Variants in CREB5 observed in about 807,000 individuals in gnomAD.
CREB5 encodes the protein cyclic AMP-responsive element-binding protein 5.
CREB5 carries 19 observed loss-of-function variants against 57.1 expected under a neutral mutation model. The observed-to-expected ratio is 0.33, with a 90% CI of 0.23 to 0.49. The LOEUF (loss-of-function observed/expected upper bound fraction) is 0.49. Among genes scored for constraint, CREB5 ranks in the 20% least tolerant of loss-of-function variants. The pLI is 0.99. For synonymous variants in CREB5, 238 were observed against 238.3 expected, an observed-to-expected ratio of 1.00 and a Z score of 0.01; for missense variants, 579 against 671.6, an observed-to-expected ratio of 0.86 and a Z score of 1.52.
intron 1 of CREB5, among the ~76,000 whole-genome samples, chr7:28,368,579 GC>G (rs1225715785): frequency 2.0e-5 from 3 of 152,050 alleles, no homozygotes; most frequent in Non-Finnish European, 4.4e-5. Context: ...TTTACTCAGG[GC>G]CTTGTTCTTG....
chr7:28,680,768 CAAA>C (rs539406574), intron 5 of CREB5, among the ~76,000 whole-genome samples: 94 of 134,160 alleles, frequency 7.0e-4, no homozygotes, highest in African/African-American at 2.4e-3. Context: ...CAACCTATCT[CAAA>C]AAAAAAAAAA....
chr7:28,309,480 C>T (rs990116625), intron 1 of CREB5, among the ~76,000 whole-genome samples: 2 of 152,116 alleles, frequency 1.3e-5, no homozygotes, highest in Non-Finnish European at 2.9e-5. Flanking sequence ...ATTTCCTTTC[C>T]AGGGATAGAG....
intron 4 of CREB5, among the ~76,000 whole-genome samples, chr7:28,569,256 C>T (rs1299007660): frequency 6.6e-6 from 1 of 151,806 alleles, no homozygotes; most frequent in South Asian, 2.1e-4. Context: ...CCTCAAACTC[C>T]TGGGCTCAAG....
rs1554344458 is a variant in CREB5, at chr7:28,560,907, TGC to T, written c.292-9456_292-9455del. ...GCGTGCGTGTGTGTGCGTGCGCGCG[TGC>T]GTGTGCGTGTGTGCGCGTGCGTGTG... On this transcript the variant is annotated intron_variant, in intron 4 of 10. Coordinates refer to ENST00000357727, the MANE Select transcript of CREB5 (RefSeq NM_182898.4). Among the ~76,000 whole-genome samples the T allele has an allele frequency of 8.7e-4, 37 of 42,728 alleles. 1 individual carries two copies. The highest frequency in any genetic ancestry group is 3.7e-3 in the African/African-American group (27 of 7,302). 28.0% of individuals were successfully genotyped at this position (42,728 alleles called of 152,430 possible). A position where few individuals can be genotyped will look rare whatever the true frequency, so the allele number is the denominator to read the frequency against.
chr7:28,643,326 G>T (rs1240347409), intron 5 of CREB5, among the ~76,000 whole-genome samples: 1 of 152,096 alleles, frequency 6.6e-6, no homozygotes, highest in Non-Finnish European at 1.5e-5. Context: ...TTTGTCCAAG[G>T]TCACCGACAG....
chr7:28,338,490 T>A (rs1228475503), intron 1 of CREB5, among the ~76,000 whole-genome samples: 1 of 152,182 alleles, frequency 6.6e-6, no homozygotes, highest in Non-Finnish European at 1.5e-5. Flanking sequence ...TGCTGCCAGA[T>A]GTATTGAAGC....
At chr7:28,633,486 C>A (rs991655400) in intron 5 of CREB5, among the ~76,000 whole-genome samples, 1 of 152,138 alleles carries the variant, frequency 6.6e-6, no homozygotes, top group African/African-American at 2.4e-5. Flanking sequence ...CTGCCTATAT[C>A]TCATTCAGAG....
At chr7:28,308,822 A>C (rs889621357) in intron 1 of CREB5, among the ~76,000 whole-genome samples, 2 of 152,126 alleles carry the variant, frequency 1.3e-5, no homozygotes, top group African/African-American at 4.8e-5. Flanking sequence ...TTTGTCCCTG[A>C]TGGTTAATTT....
At chr7:28,704,662 G>T (rs1802019938) in intron 5 of CREB5, among the ~76,000 whole-genome samples, 1 of 152,008 alleles carries the variant, frequency 6.6e-6, no homozygotes, top group South Asian at 2.1e-4. Context: ...TTGCTAAGTT[G>T]CCCAGGCTTG....
chr7:28,764,818 T>C (rs1425565254), intron 7 of CREB5, among the ~76,000 whole-genome samples: 1 of 152,252 alleles, frequency 6.6e-6, no homozygotes, highest in African/African-American at 2.4e-5. Flanking sequence ...CCTGTTTACA[T>C]GGTTTAAAGA....
At chr7:28,710,916 G>A (rs1406539538) in intron 5 of CREB5, among the ~76,000 whole-genome samples, 3 of 152,168 alleles carry the variant, frequency 2.0e-5, no homozygotes, top group Non-Finnish European at 4.4e-5. Flanking sequence ...GAGAGCACTC[G>A]AGAAAGGGCT....
chr7:28,445,591 G>T (rs546778410), intron 1 of CREB5, among the ~76,000 whole-genome samples: 5 of 150,742 alleles, frequency 3.3e-5, no homozygotes, highest in Non-Finnish European at 7.4e-5. Flanking sequence ...TCGCTCTGTT[G>T]CCCAGGCTGG....
chr7:28,503,681 G>A lies in CREB5; in HGVS notation c.170-3935G>A, dbSNP rs141770827. ...ATGTGAGAGCCCAAGCCCCAAGCAC[G>A]TTGAGCGATGTTTTCTGTCTGCTCT... On this transcript the variant is annotated intron_variant, in intron 3 of 10. Coordinates refer to ENST00000357727, the MANE Select transcript of CREB5 (RefSeq NM_182898.4). Among the ~76,000 whole-genome samples the A allele has an allele frequency of 2.7e-3, 407 of 152,194 alleles. 2 individuals are homozygous for A. The highest frequency in any genetic ancestry group is 0.02 in the South Asian group (97 of 4,814).
chr7:28,649,220 G>A (rs1174815739), intron 5 of CREB5, among the ~76,000 whole-genome samples: 1 of 152,222 alleles, frequency 6.6e-6, no homozygotes. Context: ...TTCAACCTAG[G>A]ACAGGAATTG....
chr7:28,696,493 T>A (rs998407507), intron 5 of CREB5, among the ~76,000 whole-genome samples: 4 of 152,200 alleles, frequency 2.6e-5, no homozygotes, highest in Non-Finnish European at 4.4e-5. Flanking sequence ...TTTCTTCTAC[T>A]GAAGTGAGAA....
chr7:28,379,346 C>T lies in CREB5; in HGVS notation c.-25+79905C>T, dbSNP rs73088541. On this transcript the variant is annotated intron_variant, in intron 1 of 9. Transcript: ENST00000396299. ...AGCTAATTGCGCTCCCAAAGCAATT[C>T]AATTTGTTTATCACAATATGTTCTG... 5.4e-3 allele frequency among the ~76,000 whole-genome samples: 826 copies of T among 152,316 alleles called. 4 individuals carry two copies. Among genetic ancestry groups the T allele is most frequent in the Middle Eastern group, 0.014 (4 of 294 alleles).
intron 8 of CREB5, among the ~76,000 whole-genome samples, chr7:28,805,215 G>A (rs1808641733): frequency 6.6e-6 from 1 of 152,134 alleles, no homozygotes; most frequent in African/African-American, 2.4e-5. Flanking sequence ...CACCAGGAGT[G>A]GCTGCAAAGA....
chr7:28,727,627 T>C (rs1393537633), intron 7 of CREB5, among the ~76,000 whole-genome samples: 1 of 152,074 alleles, frequency 6.6e-6, no homozygotes, highest in Non-Finnish European at 1.5e-5. Context: ...TTGAAAGAGG[T>C]TTTTGTTTTT....
chr7:28,681,993 C>T (rs1800618689), intron 5 of CREB5, among the ~76,000 whole-genome samples: 1 of 152,168 alleles, frequency 6.6e-6, no homozygotes, highest in South Asian at 2.1e-4. Context: ...AATATCCACC[C>T]CCAAAGGTTT....
Sources: gnomAD v4.1 joint callset for allele counts (sites outside exome capture counted in the v4.1 genomes callset) on GRCh38, gnomAD v4.1.1 for gene constraint, MANE v1.5 for transcripts, NCBI Gene and HGNC (gene_info 2026-07-23, HGNC 2026-07-21) for gene names.